Variants in ART3 observed in about 807,000 individuals in gnomAD.
The protein encoded by ART3 is ecto-ADP-ribosyltransferase 3.
Under a neutral mutation model 48.5 loss-of-function variants are expected in ART3, and 49 were observed. The ratio of observed to expected loss-of-function variants is 1.01; its 90% CI spans 0.80 to 1.28. ART3 has a LOEUF of 1.28. ART3 is among the 50% of genes most tolerant of loss of function. The pLI is 0.00. For synonymous variants in ART3, 145 were observed against 157.2 expected, an observed-to-expected ratio of 0.92 and a Z score of 0.58; for missense variants, 438 against 454.3, an observed-to-expected ratio of 0.96 and a Z score of 0.33.
At chr4:76,098,200 CAAAA>C (rs35470242) in intron 4 of ART3, among the ~76,000 whole-genome samples, 2 of 128,046 alleles carry the variant, frequency 1.6e-5, no homozygotes. Context: ...AGGATGTGAC[CAAAA>C]AAAAAAAAAA....
intron 2 of ART3, among the ~76,000 whole-genome samples, 157 bp from the exon 3 acceptor site, chr4:76,081,667 A>G (rs1170552358): frequency 6.6e-6 from 1 of 152,218 alleles, no homozygotes; most frequent in African/African-American, 2.4e-5. Context: ...ATCAATAGCA[A>G]TGGAATATAC....
At chr4:76,055,646 A>C (rs1052556679) in intron 1 of ART3, among the ~76,000 whole-genome samples, 5 of 152,208 alleles carry the variant, frequency 3.3e-5, no homozygotes, top group African/African-American at 7.2e-5. Context: ...ATTAGAGCAG[A>C]AGACTAAATG....
chr4:76,080,783 A>G (rs1046557876), intron 2 of ART3, among the ~76,000 whole-genome samples: 4 of 152,196 alleles, frequency 2.6e-5, no homozygotes, highest in African/African-American at 9.6e-5. Flanking sequence ...TGCTGGGATT[A>G]CAGACATGAG....
At chr4:76,111,345 T>C (rs1187114906) in intron 11 of ART3, among the ~76,000 whole-genome samples, 1 of 152,110 alleles carries the variant, frequency 6.6e-6, no homozygotes, top group African/African-American at 2.4e-5. Context: ...GCCATGACAT[T>C]ACAAGAAAAA....
At chr4:76,033,392 A>G (rs1051364721) in intron 1 of ART3, among the ~76,000 whole-genome samples, 1 of 152,210 alleles carries the variant, frequency 6.6e-6, no homozygotes, top group African/African-American at 2.4e-5. Flanking sequence ...AGTCTAGGGT[A>G]GAAACAGCAT....
At chr4:76,102,363 A>G (rs1249225161) in intron 8 of ART3, among the ~76,000 whole-genome samples, 1 of 152,168 alleles carries the variant, frequency 6.6e-6, no homozygotes, top group East Asian at 1.9e-4. Context: ...AACTTAGTTT[A>G]GATGATGTGG....
intron 1 of ART3, among the ~76,000 whole-genome samples, chr4:76,068,840 GTTTTGT>G (rs1176355273): frequency 2.0e-5 from 3 of 152,090 alleles, no homozygotes; most frequent in Admixed American, 6.6e-5. Flanking sequence ...ACTTGTATGG[GTTTTGT>G]TTTTGTTTTT....
At chr4:76,026,838 T>TGTA (rs1733435240) in intron 1 of ART3, among the ~76,000 whole-genome samples, 2 of 152,232 alleles carry the variant, frequency 1.3e-5, no homozygotes, top group South Asian at 4.1e-4. Context: ...GTGCACTTTG[T>TGTA]GTAGGGAACT....
intron 3 of ART3, among the ~76,000 whole-genome samples, chr4:76,088,263 C>A (rs201854023): frequency 6.8e-6 from 1 of 146,418 alleles, no homozygotes; most frequent in African/African-American, 2.5e-5. Flanking sequence ...TTTTTTTTTA[C>A]TGAACAGAGT....
At chr4:76,036,828 G>T in intron 1 of ART3, 1 of 246,230 alleles carries the variant, frequency 4.1e-6, no homozygotes, top group Non-Finnish European at 8.5e-6. Context: ...TGGTGCAGAT[G>T]TTTGTCCCTA....
At chr4:76,023,146 T>C (rs1372433966) in intron 1 of ART3, among the ~76,000 whole-genome samples, 1 of 152,170 alleles carries the variant, frequency 6.6e-6, no homozygotes, top group Non-Finnish European at 1.5e-5. Flanking sequence ...CTCTTCCCCA[T>C]CTCTTCTGTC....
intron 2 of ART3, among the ~76,000 whole-genome samples, chr4:76,079,012 C>T (rs111704035): frequency 6.6e-6 from 1 of 151,966 alleles, no homozygotes; most frequent in African/African-American, 2.4e-5. Flanking sequence ...ACCCGGCAGG[C>T]GGAGCTTGCA....
chr4:76,051,323 A>G (rs1338350745), intron 1 of ART3, among the ~76,000 whole-genome samples: 3 of 151,896 alleles, frequency 2.0e-5, no homozygotes, highest in African/African-American at 7.3e-5. Context: ...AGTTCTTAGT[A>G]GAATACTACT....
Position 76,100,826 on chromosome 4 carries a change from TAAGA to T in ART3, c.907+3_907+6del, listed in dbSNP as rs1727134049. 2 of 1,610,804 alleles carry T rather than the reference TAAGA, an allele frequency of 1.2e-6. No homozygotes were observed. The highest frequency in any genetic ancestry group is 1.7e-6 in the Non-Finnish European group (2 of 1,179,418). ...AAAACTGGAAGCTTGAAGACCATGGTAAGACATTTTTTATAAATTCTGGGGGCTT... is the reference window on the plus strand; with the variant it reads ...AAAACTGGAAGCTTGAAGACCATGGTCATTTTTTATAAATTCTGGGGGCTT... On this transcript the variant is annotated splice_donor_5th_base_variant and intron_variant, in intron 7 of 11. Transcript: ENST00000355810.
chr4:76,058,908 A>G (rs1718926909), intron 1 of ART3, among the ~76,000 whole-genome samples: 1 of 152,186 alleles, frequency 6.6e-6, no homozygotes, highest in Non-Finnish European at 1.5e-5. Flanking sequence ...TGGTGAAAGA[A>G]GATTATGGAT....
chr4:76,072,058 C>T (rs1369904889), upstream of ART3, among the ~76,000 whole-genome samples: 2 of 152,048 alleles, frequency 1.3e-5, no homozygotes, highest in Admixed American at 6.5e-5. Flanking sequence ...CTAGGACTAC[C>T]GACATGTGCC....
rs145800198 is a variant in ART3 at position 76,020,892 on chromosome 4, A to G, written c.-10+9572A>G. On this transcript the variant is annotated intron_variant, in intron 1 of 9. Transcript: ENST00000341029. ...GATTAAAAAAAAAAGAAATTTGGCTATAGGGATTTGGAGATTAGGCCAAGC... is the reference window on the plus strand; with the variant it reads ...GATTAAAAAAAAAAGAAATTTGGCTGTAGGGATTTGGAGATTAGGCCAAGC... Among the ~76,000 whole-genome samples the G allele has an allele frequency of 5.3e-5, 8 of 152,248 alleles. No homozygotes were observed. In the East Asian group the frequency reaches 1.5e-3, roughly 29 times the overall value.
chr4:76,104,370 C>T (rs1728005296), intron 9 of ART3: 5 of 985,418 alleles, frequency 5.1e-6, no homozygotes, highest in Non-Finnish European at 6.0e-6. Flanking sequence ...CGATATTCTC[C>T]TGGCATAAAC....
chr4:76,014,796 C>T (rs900781122), intron 1 of ART3, among the ~76,000 whole-genome samples: 5 of 152,030 alleles, frequency 3.3e-5, no homozygotes, highest in African/African-American at 1.2e-4. Flanking sequence ...ATCTTGAAAG[C>T]AACAAGTGAA....
Sources: gnomAD v4.1 joint callset for allele counts (sites outside exome capture counted in the v4.1 genomes callset) on GRCh38, gnomAD v4.1.1 for gene constraint, MANE v1.5 for transcripts, NCBI Gene and HGNC (gene_info 2026-07-23, HGNC 2026-07-21) for gene names.